The following NOP58 variants were observed in gnomAD, a reference collection of about 807,000 sequenced individuals.
NOP58 encodes the protein NOP58 ribonucleoprotein.
A neutral mutation model predicts 71.2 loss-of-function variants in NOP58; 44 were observed. That is an observed-to-expected ratio of 0.62 (90% confidence interval 0.49 to 0.79). The LOEUF is 0.79. NOP58 is among the 30% of genes least tolerant of loss of function. The pLI is 0.00. For synonymous variants in NOP58, 228 were observed against 200.3 expected (o/e 1.14, Z -1.17); for missense variants, 538 against 620.2 (o/e 0.87, Z 1.41).
intron 3 of NOP58, among the ~76,000 whole-genome samples, chr2:202,280,937 A>G (rs900611368): frequency 6.6e-6 from 1 of 151,408 alleles, no homozygotes; most frequent in Non-Finnish European, 1.5e-5. Context: ...GTTGCCTAGG[A>G]TGGTCGCATC....
rs764788350 is a variant in NOP58 at position 202,284,347 on chromosome 2, A to C, written c.300A>C (p.Glu100Asp). Residue 100 changes from glutamate to aspartate, a missense_variant and splice_region_variant, in exon 5 of 15, where the codon GAA (glutamate) becomes GAC (aspartate). Coordinates refer to ENST00000264279, the MANE Select transcript of NOP58 (RefSeq NM_015934.5). The stretch of plus-strand genomic sequence containing the variant: ...TATAGATGTTCATGTTCTTGTAGGA[A>C]AAGCTGAATCTCAGTTGTATCCATA... ...ADAKLGGVIK[E>D]KLNLSCIHSP... The C allele has an allele frequency of 6.3e-7, 1 of 1,599,386 alleles. No homozygotes were observed. Among genetic ancestry groups the C allele is most frequent in the Admixed American group, 1.8e-5 (1 of 56,768 alleles).
At chr2:202,294,964 C>CAA (rs746342936) in intron 9 of NOP58, among the ~76,000 whole-genome samples, 70 of 127,766 alleles carry the variant, frequency 5.5e-4, no homozygotes, top group African/African-American at 1.4e-3. Context: ...AACTCTATCT[C>CAA]AAAAAAAAAA....
At chr2:202,290,198 C>G in intron 6 of NOP58, 125 bp from the exon 7 acceptor site, 1 of 667,120 alleles carries the variant, frequency 1.5e-6, no homozygotes, top group Non-Finnish European at 2.4e-6. Flanking sequence ...TCGTGATATG[C>G]CTGTCTGCTG....
intron 13 of NOP58, among the ~76,000 whole-genome samples, chr2:202,302,455 C>T (rs951092501): frequency 6.6e-6 from 1 of 152,138 alleles, no homozygotes; most frequent in Non-Finnish European, 1.5e-5. Flanking sequence ...AAGCATTATA[C>T]TTAGTGCTTT....
At chr2:202,274,349 C>T (rs1433660688) in intron 1 of NOP58, among the ~76,000 whole-genome samples, 1 of 151,872 alleles carries the variant, frequency 6.6e-6, no homozygotes, top group East Asian at 1.9e-4. Flanking sequence ...GCCTCAGCCT[C>T]CCGAGTGGCG....
Position 202,303,402 on chromosome 2 carries a change from A to G in NOP58, c.1556A>G (p.Lys519Arg). 1.2e-6 allele frequency: 2 copies of G among 1,612,906 alleles called. No individual in the cohort carries two copies. The highest frequency in any genetic ancestry group is 1.7e-6 in the Non-Finnish European group (2 of 1,179,354). The change falls in exon 15 of 15, where the codon AAG (lysine) becomes AGG (arginine). Residue 519 changes from lysine to arginine, a missense_variant. Transcript: ENST00000264279. ...STAIASPEKK[K>R]KKKKKRENED ...TATTTTCAGAGTCCAGAGAAAAAGA[A>G]GAAAAAGAAAAAAAAGAGAGAGAAC...
At chr2:202,288,997 A>G (rs1441387966) in intron 6 of NOP58, among the ~76,000 whole-genome samples, 3 of 151,584 alleles carry the variant, frequency 2.0e-5, no homozygotes, top group Admixed American at 1.3e-4. Context: ...GCGTGTGCCT[A>G]TAGTCCCAGC....
intron 2 of NOP58, chr2:202,276,419 G>A: frequency 2.0e-6 from 1 of 502,480 alleles, no homozygotes; most frequent in South Asian, 1.4e-5. Context: ...ATGCTTTGTT[G>A]GGTTAATCTG....
At chr2:202,266,107 G>C in intron 1 of NOP58, 121 bp downstream of exon 1, 1 of 1,177,832 alleles carries the variant, frequency 8.5e-7, no homozygotes, top group South Asian at 1.3e-5. Context: ...CCGGGCTCTG[G>C]GAGGAGGGAG....
intron 5 of NOP58, among the ~76,000 whole-genome samples, chr2:202,286,677 G>A (rs1172332848): frequency 6.6e-6 from 1 of 152,182 alleles, no homozygotes; most frequent in Non-Finnish European, 1.5e-5. Context: ...TAGTGAAACT[G>A]AGTCAAAAAT....
chr2:202,271,372 A>T (rs1304512103), intron 1 of NOP58, among the ~76,000 whole-genome samples: 2 of 150,846 alleles, frequency 1.3e-5, no homozygotes, highest in Non-Finnish European at 3.0e-5. Context: ...CCTGGGCAAC[A>T]GGGTGCAACC....
intron 2 of NOP58, chr2:202,275,409 G>A: frequency 4.6e-6 from 2 of 435,872 alleles, no homozygotes; most frequent in South Asian, 6.5e-5. Flanking sequence ...TTACCCACAG[G>A]GATTATGTTC....
chr2:202,285,193 A>G (rs1688768367), intron 5 of NOP58, among the ~76,000 whole-genome samples: 1 of 151,488 alleles, frequency 6.6e-6, no homozygotes, highest in South Asian at 2.1e-4. Flanking sequence ...AGCGTGCACC[A>G]CTACTGCCCA....
intron 10 of NOP58, among the ~76,000 whole-genome samples, chr2:202,297,071 A>G (rs1326479532): frequency 6.6e-6 from 1 of 152,198 alleles, no homozygotes; most frequent in Non-Finnish European, 1.5e-5. Flanking sequence ...GAGGAAAAAG[A>G]TGCACTTCTT....
intron 9 of NOP58, 179 bp downstream of exon 9, chr2:202,293,082 G>A: frequency 1.3e-6 from 1 of 790,500 alleles, no homozygotes; most frequent in South Asian, 1.3e-5. Context: ...TTGTTTGCCT[G>A]ATTTCCTTTT....
intron 13 of NOP58, 148 bp downstream of exon 13, chr2:202,300,515 C>T (rs1024475188): frequency 1.5e-5 from 9 of 618,196 alleles, no homozygotes; most frequent in Non-Finnish European, 2.5e-5. Context: ...ATTATGTTCT[C>T]TGGGAATATG....
chr2:202,276,612 G>T, intron 2 of NOP58: 1 of 373,996 alleles, frequency 2.7e-6, no homozygotes, highest in East Asian at 7.3e-5. Context: ...GGCCAAGGCA[G>T]GCGGATCAGT....
intron 1 of NOP58, among the ~76,000 whole-genome samples, chr2:202,270,673 G>A (rs1006460414): frequency 6.6e-6 from 1 of 152,050 alleles, no homozygotes; most frequent in African/African-American, 2.4e-5. Flanking sequence ...GCTGAGGTGG[G>A]AGGGAGGTCA....
intron 2 of NOP58, among the ~76,000 whole-genome samples, chr2:202,276,854 G>A (rs1037872899): frequency 1.3e-5 from 2 of 151,726 alleles, no homozygotes; most frequent in African/African-American, 4.8e-5. Flanking sequence ...AAAACATAAA[G>A]GGGGCCGGGC....
Sources: allele counts gnomAD v4.1 joint callset (sites outside exome capture counted in the v4.1 genomes callset), GRCh38; gene constraint gnomAD v4.1.1; transcripts MANE v1.5; gene names NCBI Gene and HGNC (gene_info 2026-07-23, HGNC 2026-07-21).